Variants in TRIM45 observed in about 807,000 individuals in gnomAD.
The protein encoded by TRIM45 is tripartite motif containing 45.
TRIM45 carries 45 observed loss-of-function variants against 46.7 expected under a neutral mutation model. That is an observed-to-expected ratio of 0.96 (90% CI 0.76 to 1.24). The LOEUF is 1.24. Among genes scored for constraint, TRIM45 ranks in the 50% most tolerant of loss-of-function variants. The pLI, the probability that TRIM45 is intolerant of heterozygous loss-of-function variation, is 0.00. For missense variants in TRIM45, 680 were observed against 728.4 expected (o/e 0.93, Z 0.77); for synonymous variants, 259 against 285.8 (o/e 0.91, Z 0.94).
rs758689094 is a variant in TRIM45, at chr1:117,118,714, C to T, written c.542G>A (p.Gly181Asp). Residue 181 changes from glycine to aspartate, a missense_variant, in exon 2 of 6, where the codon GGC (glycine) becomes GAC (aspartate). Gly to Asp is a moderately conservative substitution (Grantham distance 94). Coordinates refer to ENST00000256649, the MANE Select transcript of TRIM45 (RefSeq NM_025188.4). The surrounding 1 kb of genome is among the most constrained non-coding windows in gnomAD (Gnocchi z 5.7). ...GATGGGCTTCCCAATCCGGCTGTAG[C>T]CTTTCAAGTCTTTTAGGTCCACCAT... is the stretch of plus-strand genomic sequence containing the variant. ...HTMVDLKDLKGYSRIGKPILC... is the reference protein window; with the variant it reads ...HTMVDLKDLKDYSRIGKPILC... The T allele has an allele frequency of 1.9e-6, 3 of 1,613,626 alleles. No individual in the cohort carries two copies. The East Asian group carries it at 6.7e-5, about 36-fold the overall frequency.
Position 117,115,547 on chromosome 1 carries a change from C to T in TRIM45, c.1467+28G>A, listed in dbSNP as rs745895355. 1 of 1,515,680 alleles carries T rather than the reference C, an allele frequency of 6.6e-7. No homozygotes were observed. The highest frequency in any genetic ancestry group is 1.1e-5 in the South Asian group (1 of 88,966). 93.9% of individuals were successfully genotyped at this position (1,515,680 alleles called of 1,614,324 possible). A position where few individuals can be genotyped will look rare whatever the true frequency, so the allele number is the denominator to read the frequency against. On this transcript the variant is annotated intron_variant, in intron 4 of 5. Coordinates refer to ENST00000256649, the MANE Select transcript of TRIM45 (RefSeq NM_025188.4). This position sits in a 1 kb window ranked among gnomAD's most constrained non-coding sequence, Gnocchi z 4.2. ...TCCTAAGACAGTAGAATCCAGGGAG[C>T]TCAGGGAAGCACGTGCACCAGTCTT...
At position 117,112,444 on chromosome 1, in the gene TRIM45, A is replaced by C; in HGVS notation, c.1604T>G (p.Leu535Arg). 1 of 1,612,510 alleles carries C rather than the reference A, an allele frequency of 6.2e-7. No individual in the cohort carries two copies. Among genetic ancestry groups the C allele is most frequent in the African/African-American group, 1.3e-5 (1 of 74,966 alleles). ...GCCTTTGTGTCCATGGCCACAGCCT[A>C]GGTACCCACCTACATGGGACAAAGA... The part of the protein sequence containing the change: ...ACGGTMPGGY[L>R]GCGHGHKGHP... The change falls in exon 6 of 6, where the codon CTA becomes CGA. Residue 535 changes from leucine to arginine, a missense_variant. Leu to Arg is a moderately radical substitution (Grantham distance 102). Transcript: ENST00000256649.
At chr1:117,119,409 C>A (rs1285759375) in intron 1 of TRIM45, among the ~76,000 whole-genome samples, 1 of 152,152 alleles carries the variant, frequency 6.6e-6, no homozygotes, top group East Asian at 1.9e-4. Context: ...AGTTTGAGAC[C>A]AGCCTGGCCA....
At chr1:117,122,027 A>G (rs1650667581), upstream of TRIM45, 2 of 539,780 alleles carry the variant, frequency 3.7e-6, no homozygotes. Flanking sequence ...ACCGTTTCAC[A>G]GGGACTGTCC....
chr1:117,122,038 C>T (rs940806283), upstream of TRIM45: 1 of 528,346 alleles, frequency 1.9e-6, no homozygotes, highest in Non-Finnish European at 3.4e-6. Context: ...GGGACTGTCC[C>T]TCTCTCTGTG....
In TRIM45 at chr1:117,121,309, G is replaced by A. The variant is rs1650619396; in HGVS notation, c.-108C>T. On this transcript the variant is annotated 5_prime_UTR_variant, in exon 1 of 6. Coordinates refer to ENST00000256649, the MANE Select transcript of TRIM45 (RefSeq NM_025188.4). This position sits in a 1 kb window ranked among gnomAD's most constrained non-coding sequence, Gnocchi z 4.2. ...AGAAAGTCTCCAGAACTTGAACAGA[G>A]ACCATGGGGACTCCCTCGCTGACAA... The A allele has an allele frequency of 1.5e-6, 2 of 1,312,586 alleles. No individual in the cohort carries two copies. Among genetic ancestry groups the A allele is most frequent in the Non-Finnish European group, 2.1e-6 (2 of 968,764 alleles). 81.3% of individuals were successfully genotyped at this position (1,312,586 alleles called of 1,614,324 possible).
rs1344865086 is a variant in TRIM45 at position 117,118,533 on chromosome 1, G to A, written c.723C>T (p.Leu241=). The change falls in exon 2 of 6, where the codon CTC becomes CTT. Residue 241 remains leucine, a synonymous_variant. Transcript: ENST00000256649. The surrounding 1 kb of genome is among the most constrained non-coding windows in gnomAD (Gnocchi z 5.7). ...CCACGTGGGGCTGAGTACCTTTGAGGAGCTCCCACACAGAGTCCCCATGCT... is the reference window on the plus strand; with the variant it reads ...CCACGTGGGGCTGAGTACCTTTGAGAAGCTCCCACACAGAGTCCCCATGCT... ...IHKHGDSVWE[L]LKGTQPHVEA... 1.9e-6 allele frequency: 3 copies of A among 1,614,196 alleles called. No homozygotes were observed. Among genetic ancestry groups the A allele is most frequent in the East Asian group, 2.2e-5 (1 of 44,888 alleles).
chr1:117,116,673 A>C lies in TRIM45; in HGVS notation c.1295T>G (p.Met432Arg). Residue 432 changes from methionine (M) to arginine (R), a missense_variant, in exon 3 of 6, where the codon ATG (methionine) becomes AGG (arginine). Met to Arg is a moderately conservative substitution (Grantham distance 91). Around this residue, in one of 3 missense-constraint regions of TRIM45, gnomAD observed 322 missense variants for 359.3 expected, o/e 0.90. Coordinates refer to ENST00000256649, the MANE Select transcript of TRIM45 (RefSeq NM_025188.4). The surrounding 1 kb of genome is among the most constrained non-coding windows in gnomAD (Gnocchi z 4.6). Reference sequence around the variant, plus strand: ...TTGAACGTTGTCTCCTCCCCTGCCCATGATTTCTCCTGCGGCATCCTTACA... The same window carrying C: ...TTGAACGTTGTCTCCTCCCCTGCCCCTGATTTCTCCTGCGGCATCCTTACA... The part of the protein sequence containing the change: ...LLCKDAAGEI[M>R]GRGGDNVQVA... The C allele has an allele frequency of 6.2e-7, 1 of 1,614,010 alleles. No homozygotes were observed.
Position 117,117,488 on chromosome 1 carries a change from G to C in TRIM45, c.1222+546C>G, listed in dbSNP as rs1443084902. 6.6e-6 allele frequency among the ~76,000 whole-genome samples: 1 copy of C among 152,086 alleles called. No homozygotes were observed. The highest frequency in any genetic ancestry group is 1.5e-5 in the Non-Finnish European group (1 of 68,016). ...ATGTTTTAATAATATGCTTCCATTA[G>C]AAAGGGAACACTCGTTAAAAAAAAC... On this transcript the variant is annotated intron_variant, in intron 2 of 5. Transcript: ENST00000256649. This position sits in a 1 kb window ranked among gnomAD's most constrained non-coding sequence, Gnocchi z 4.9.
At position 117,118,423 on chromosome 1, in the gene TRIM45, C is replaced by G. The variant is rs1425427449; in HGVS notation, c.833G>C (p.Arg278Pro). ...KRVEAVAADV[R>P]TFSEGYIKAI... The stretch of plus-strand genomic sequence containing the variant: ...CTTAATGTAGCCCTCCGAGAATGTC[C>G]GGACATCAGCTGCCACTGCCTCCAC... Residue 278 changes from arginine (R) to proline (P), a missense_variant, in exon 2 of 6, where the codon CGG (arginine) becomes CCG (proline). By Grantham distance (103) the Arg-to-Pro change is moderately radical. Around this residue, in one of 3 missense-constraint regions of TRIM45, gnomAD observed 349 missense variants for 343.6 expected, o/e 1.02. Transcript: ENST00000256649. The surrounding 1 kb of genome is among the most constrained non-coding windows in gnomAD (Gnocchi z 5.7). 1.9e-6 allele frequency: 3 copies of G among 1,614,024 alleles called. No homozygotes were observed. The highest frequency in any genetic ancestry group is 2.7e-5 in the African/African-American group (2 of 74,908).
chr1:117,122,823 G>T (rs1650708799), upstream of TRIM45, among the ~76,000 whole-genome samples: 1 of 152,170 alleles, frequency 6.6e-6, no homozygotes. Flanking sequence ...GGAAACAGCT[G>T]CTCCTTTCCC....
chr1:117,122,008 G>A, upstream of TRIM45: 3 of 557,420 alleles, frequency 5.4e-6, no homozygotes, highest in Non-Finnish European at 9.7e-6. Flanking sequence ...GCATAGTGTA[G>A]TCAGCGTCAC....
In TRIM45 at chr1:117,118,579, A is replaced by C. The variant is rs376715761; in HGVS notation, c.677T>G (p.Phe226Cys). The change falls in exon 2 of 6, where the codon TTC becomes TGC. Residue 226 changes from phenylalanine to cysteine, a missense_variant. By Grantham distance (205) the Phe-to-Cys change is radical. Around this residue, in one of 3 missense-constraint regions of TRIM45, gnomAD observed 349 missense variants for 343.6 expected, o/e 1.02. Coordinates refer to ENST00000256649, the MANE Select transcript of TRIM45 (RefSeq NM_025188.4). The surrounding 1 kb of genome is among the most constrained non-coding windows in gnomAD (Gnocchi z 5.7). The stretch of plus-strand genomic sequence containing the variant: ...ATGCTTGTGGATGACATTGCTGGTG[A>C]AGTCACAGGGGTGTTCCCGATGCTC... Reference protein sequence around the residue: ...VGEHREHPCDFTSNVIHKHGD... With the variant: ...VGEHREHPCDCTSNVIHKHGD... 14 of 1,613,994 alleles carry C rather than the reference A, an allele frequency of 8.7e-6. No homozygotes were observed. The highest frequency in any genetic ancestry group is 1.6e-4 in the Middle Eastern group (1 of 6,084).
At position 117,117,861 on chromosome 1, in the gene TRIM45, GAACA is replaced by G. The variant is rs1295380087; in HGVS notation, c.1222+169_1222+172del. On this transcript the variant is annotated intron_variant, in intron 2 of 5. Transcript: ENST00000256649. This position sits in a 1 kb window ranked among gnomAD's most constrained non-coding sequence, Gnocchi z 4.9. ...TCCTGTATTAACTGTACCCTAGCCA[GAACA>G]AACCAGAAAGGGCAAAGGTGGGGGT... Among the ~76,000 whole-genome samples, 2 of 152,202 alleles carry G rather than the reference GAACA, an allele frequency of 1.3e-5. No homozygotes were observed. The highest frequency in any genetic ancestry group is 6.5e-5 in the Admixed American group (1 of 15,288).
chr1:117,120,902 C>T lies in TRIM45; in HGVS notation c.300G>A (p.Gln100=). Residue 100 remains glutamine (Q), a synonymous_variant, in exon 1 of 6, where the codon CAG becomes CAA. Transcript: ENST00000256649. ...IGILCPVCDA[Q]VDLPMGGVKA... is the part of the protein sequence containing the mutation. ...TCACTCCACCCATGGGCAGGTCCAC[C>T]TGAGCATCACATACAGGACAAAGGA... 1.9e-6 allele frequency: 3 copies of T among 1,614,214 alleles called. No homozygotes were observed. Among genetic ancestry groups the T allele is most frequent in the Non-Finnish European group, 1.7e-6 (2 of 1,180,034 alleles).
upstream of TRIM45, chr1:117,122,402 C>T (rs999764006): frequency 5.3e-5 from 8 of 152,328 alleles, no homozygotes; most frequent in African/African-American, 1.7e-4. Flanking sequence ...GCATCTCAGG[C>T]TCGCGTTACG....
upstream of TRIM45, chr1:117,121,978 G>C: frequency 1.6e-6 from 1 of 611,498 alleles, no homozygotes; most frequent in South Asian, 1.9e-5. This position sits in a 1 kb window ranked among gnomAD's most constrained non-coding sequence, Gnocchi z 4.2. Flanking sequence ...GGAGGAAAAG[G>C]CCAAGGCTCG....
Position 117,118,717 on chromosome 1 carries a change from T to A in TRIM45, c.539A>T (p.Lys180Ile). The A allele has an allele frequency of 6.2e-7, 1 of 1,613,596 alleles. No homozygotes were observed. The highest frequency in any genetic ancestry group is 8.5e-7 in the Non-Finnish European group (1 of 1,180,044). The change falls in exon 2 of 6, where the codon AAA (lysine) becomes ATA (isoleucine). Residue 180 changes from lysine (K) to isoleucine (I), a missense_variant. By Grantham distance (102) the Lys-to-Ile change is moderately radical. This residue lies in a region of TRIM45 where 349 missense variants were observed against 343.6 expected (regional missense o/e 1.02). Coordinates refer to ENST00000256649, the MANE Select transcript of TRIM45 (RefSeq NM_025188.4). The surrounding 1 kb of genome is among the most constrained non-coding windows in gnomAD (Gnocchi z 5.7). ...GGGCTTCCCAATCCGGCTGTAGCCT[T>A]TCAAGTCTTTTAGGTCCACCATGGT... ...YHTMVDLKDL[K>I]GYSRIGKPIL...
Position 117,118,552 on chromosome 1 carries a change from C to G in TRIM45, c.704G>C (p.Gly235Ala), listed in dbSNP as rs1229575881. ...TTTGAGGAGCTCCCACACAGAGTCC[C>G]CATGCTTGTGGATGACATTGCTGGT... The part of the protein sequence containing the change: ...DFTSNVIHKH[G>A]DSVWELLKGT... Residue 235 changes from glycine (G) to alanine (A), a missense_variant, in exon 2 of 6, where the codon GGG (glycine) becomes GCG (alanine). Coordinates refer to ENST00000256649, the MANE Select transcript of TRIM45 (RefSeq NM_025188.4). The surrounding 1 kb of genome is among the most constrained non-coding windows in gnomAD (Gnocchi z 5.7). 8.1e-6 allele frequency: 13 copies of G among 1,614,098 alleles called. No homozygotes were observed. Among genetic ancestry groups the G allele is most frequent in the Non-Finnish European group, 1.1e-5 (13 of 1,180,048 alleles).
Sources: gnomAD v4.1 joint callset for allele counts (sites outside exome capture counted in the v4.1 genomes callset) on GRCh38, gnomAD v4.1.1 for gene constraint, gnomAD v4.1.1 regional missense constraint, Gnocchi (gnomAD v3.1) non-coding constraint, MANE v1.5 for transcripts, NCBI Gene and HGNC (gene_info 2026-07-23, HGNC 2026-07-21) for gene names.